Variants in TESMIN observed in about 807,000 individuals in gnomAD.
TESMIN encodes CXC domain containing 2.
Under a neutral mutation model 47.4 loss-of-function variants are expected in TESMIN, and 34 were observed. That is an observed-to-expected ratio of 0.72 (90% CI 0.55 to 0.96). TESMIN has a LOEUF of 0.96. Ranked by LOEUF, TESMIN falls within the 40% of genes least tolerant of loss-of-function variation. TESMIN has a pLI of 0.00. For synonymous variants in TESMIN, 278 were observed against 258.9 expected (o/e 1.07, Z -0.71); for missense variants, 610 against 637.2 (o/e 0.96, Z 0.46).
chr11:68,717,078 A>G (rs1946148694), intron 6 of TESMIN, among the ~76,000 whole-genome samples: 1 of 152,270 alleles, frequency 6.6e-6, no homozygotes, highest in African/African-American at 2.4e-5. Flanking sequence ...CTGCAGGAAC[A>G]CGGCGAGGGC....
intron 6 of TESMIN, among the ~76,000 whole-genome samples, chr11:68,720,483 GGCTCT>G (rs1946192119): frequency 6.6e-6 from 1 of 152,056 alleles, no homozygotes; most frequent in Non-Finnish European, 1.5e-5. Flanking sequence ...GAAAACCCAG[GGCTCT>G]CTTCACTGTT....
At chr11:68,742,460 G>T in intron 4 of TESMIN, 66 bp from the exon 5 acceptor site, 1 of 1,050,470 alleles carries the variant, frequency 9.5e-7, no homozygotes. Flanking sequence ...ACACGTGGAT[G>T]AAAGTACAAA....
chr11:68,731,463 CAT>C (rs1245610170), intron 6 of TESMIN, among the ~76,000 whole-genome samples: 1 of 151,714 alleles, frequency 6.6e-6, no homozygotes, highest in Non-Finnish European at 1.5e-5. Context: ...AAAATACTGT[CAT>C]GTGTTTTTAT....
chr11:68,742,457 G>T, intron 4 of TESMIN, 63 bp from the exon 5 acceptor site: 1 of 1,073,580 alleles, frequency 9.3e-7, no homozygotes, highest in South Asian at 1.5e-5. Context: ...CTTACACGTG[G>T]ATGAAAGTAC....
At chr11:68,742,058 G>A (rs191066126) in intron 5 of TESMIN, among the ~76,000 whole-genome samples, 10 of 152,236 alleles carry the variant, frequency 6.6e-5, no homozygotes, top group East Asian at 3.9e-4. Flanking sequence ...GTTAGCAAGC[G>A]TGGCAGAATG....
rs886447637 is a variant in TESMIN at position 68,708,012 on chromosome 11, G to C, written c.*296C>G. 1.1e-5 allele frequency: 5 copies of C among 452,488 alleles called. No individual in the cohort carries two copies. The highest frequency in any genetic ancestry group is 1.3e-5 in the Non-Finnish European group (3 of 238,618). The allele number at this position is 452,488 out of a possible 1,614,324, so 28.0% of individuals were successfully genotyped here. A position where few individuals can be genotyped will look rare whatever the true frequency, so the allele number is the denominator to read the frequency against. On this transcript the variant is annotated 3_prime_UTR_variant, in exon 10 of 10. Coordinates refer to ENST00000255087, the MANE Select transcript of TESMIN (RefSeq NM_004923.3). Reference sequence around the variant, plus strand: ...CGCTCTGCCCTTCGCAGGGCCTGCTGTGCCCTCCCCTGCCCTGCTCTGCCC... The same window carrying C: ...CGCTCTGCCCTTCGCAGGGCCTGCTCTGCCCTCCCCTGCCCTGCTCTGCCC...
chr11:68,707,983 GCC>G lies in TESMIN; in HGVS notation c.*323_*324del, dbSNP rs1265326054. On this transcript the variant is annotated 3_prime_UTR_variant, in exon 10 of 10. Coordinates refer to ENST00000255087, the MANE Select transcript of TESMIN (RefSeq NM_004923.3). The stretch of plus-strand genomic sequence containing the variant: ...CGCAGGGCCTGCTCTGCCCTCCCCT[GCC>G]CCGCTCTGCCCTTCGCAGGGCCTGC... 2.3e-6 allele frequency: 1 copy of G among 436,326 alleles called. No homozygotes were observed. Among genetic ancestry groups the G allele is most frequent in the African/African-American group, 2.0e-5 (1 of 49,860 alleles). The allele number at this position is 436,326 out of a possible 1,614,324, so 27.0% of individuals were successfully genotyped here. A position where few individuals can be genotyped will look rare whatever the true frequency, so the allele number is the denominator to read the frequency against.
chr11:68,713,356 G>T lies in TESMIN; in HGVS notation c.1072C>A (p.Gln358Lys). The T allele has an allele frequency of 6.2e-7, 1 of 1,614,060 alleles. No homozygotes were observed. The highest frequency in any genetic ancestry group is 8.5e-7 in the Non-Finnish European group (1 of 1,180,004). Residue 358 changes from glutamine (Q) to lysine (K), a missense_variant, in exon 8 of 10, where the codon CAA (glutamine) becomes AAA (lysine). Physicochemically the swap from Gln to Lys is moderately conservative, Grantham distance 53. Transcript: ENST00000255087. ...TGCTGGGGCTTGACATTGCCCAATT[G>T]GCCCTTCCCAATTTTTGGCTGGAAA... ...EAFQPKIGKGQLGNVKPQHNK... is the reference protein window; with the variant it reads ...EAFQPKIGKGKLGNVKPQHNK...
chr11:68,713,081 C>T (rs559118952), intron 8 of TESMIN, among the ~76,000 whole-genome samples, 189 bp downstream of exon 8: 5 of 152,304 alleles, frequency 3.3e-5, no homozygotes, highest in South Asian at 2.1e-4. Context: ...CAAATTGACC[C>T]GGTTCACAAA....
At chr11:68,726,452 C>T (rs533156311) in intron 6 of TESMIN, among the ~76,000 whole-genome samples, 3 of 152,152 alleles carry the variant, frequency 2.0e-5, no homozygotes, top group African/African-American at 4.8e-5. Flanking sequence ...AGGGAAAGCC[C>T]CAGTGATTAT....
intron 8 of TESMIN, among the ~76,000 whole-genome samples, chr11:68,711,659 T>C (rs1216209414): frequency 2.0e-5 from 3 of 152,224 alleles, no homozygotes; most frequent in Non-Finnish European, 4.4e-5. Flanking sequence ...CTCTAGCTTA[T>C]GGTTCTCTTT....
chr11:68,720,262 GAAGATTTTAAA>G (rs996872332), intron 6 of TESMIN, among the ~76,000 whole-genome samples: 1 of 151,938 alleles, frequency 6.6e-6, no homozygotes, highest in Non-Finnish European at 1.5e-5. Flanking sequence ...TTAATCTTTT[GAAGATTTTAAA>G]ATCTGTTTTC....
chr11:68,722,741 AC>A (rs1946217298), intron 6 of TESMIN, among the ~76,000 whole-genome samples: 2 of 152,222 alleles, frequency 1.3e-5, no homozygotes, highest in Non-Finnish European at 2.9e-5. Context: ...CTAATACTGC[AC>A]TAGAGAAAGA....
intron 3 of TESMIN, 134 bp from the exon 4 acceptor site, chr11:68,745,245 ATC>A: frequency 1.3e-6 from 1 of 775,648 alleles, no homozygotes; most frequent in Non-Finnish European, 1.9e-6. Context: ...AAAACTATAG[ATC>A]TGTTTTCGAT....
At chr11:68,749,599 T>C (rs1197609055) in intron 2 of TESMIN, among the ~76,000 whole-genome samples, 2 of 152,240 alleles carry the variant, frequency 1.3e-5, no homozygotes, top group Non-Finnish European at 2.9e-5. Flanking sequence ...GGCTGAGAGC[T>C]GGCAAGCATT....
chr11:68,738,164 GAA>G, intron 6 of TESMIN: 10 of 986,358 alleles, frequency 1.0e-5, no homozygotes, highest in Non-Finnish European at 1.2e-5. Context: ...AGACAGGCAA[GAA>G]ATAGCAAGAT....
chr11:68,728,080 G>T (rs568906324), intron 6 of TESMIN, among the ~76,000 whole-genome samples: 1 of 152,282 alleles, frequency 6.6e-6, no homozygotes, highest in South Asian at 2.1e-4. Context: ...AATTAGGCCA[G>T]TTAACAACTC....
chr11:68,729,215 T>C (rs1946299245), intron 6 of TESMIN, among the ~76,000 whole-genome samples: 1 of 152,164 alleles, frequency 6.6e-6, no homozygotes, highest in South Asian at 2.1e-4. Flanking sequence ...ATATCAACAT[T>C]GAAAGGAGGT....
intron 5 of TESMIN, among the ~76,000 whole-genome samples, chr11:68,741,997 G>A (rs1241010835): frequency 1.3e-5 from 2 of 152,232 alleles, no homozygotes; most frequent in East Asian, 1.9e-4. Context: ...GGTGAGGAGC[G>A]TTCTGGACCG....
Sources: gnomAD v4.1 joint callset for allele counts (sites outside exome capture counted in the v4.1 genomes callset) on GRCh38, gnomAD v4.1.1 for gene constraint, MANE v1.5 for transcripts, NCBI Gene and HGNC (gene_info 2026-07-23, HGNC 2026-07-21) for gene names.